The following CSMD3 variants were observed in gnomAD, a reference collection of about 807,000 sequenced individuals.
CSMD3 encodes CUB and Sushi multiple domains 3.
Under a neutral mutation model 435.2 loss-of-function variants are expected in CSMD3, and 177 were observed. That is an observed-to-expected ratio of 0.41 (90% CI 0.36 to 0.46). The LOEUF is 0.46. CSMD3 is among the 20% of genes least tolerant of loss of function. The probability of loss-of-function intolerance (pLI) is 0.34; values close to 1 mark genes in which losing one functional copy is unlikely to be tolerated. For synonymous variants in CSMD3, 1,656 were observed against 1,520.5 expected, an observed-to-expected ratio of 1.09 and a Z score of -2.07; for missense variants, 4,265 against 4,504.6, an observed-to-expected ratio of 0.95 and a Z score of 1.52.
intron 36 of CSMD3, among the ~76,000 whole-genome samples, chr8:112,389,568 C>A (rs1830241900): frequency 6.6e-6 from 1 of 152,148 alleles, no homozygotes; most frequent in Admixed American, 6.6e-5. Flanking sequence ...TTACTCCCAA[C>A]ACCTGTCAAG....
At chr8:112,675,657 A>G (rs1247305045) in intron 16 of CSMD3, among the ~76,000 whole-genome samples, 2 of 152,110 alleles carry the variant, frequency 1.3e-5, no homozygotes, top group East Asian at 3.9e-4. Flanking sequence ...GCTATTTCTA[A>G]TTTGAACTAC....
chr8:112,245,121 A>T (rs1814596080), intron 64 of CSMD3, among the ~76,000 whole-genome samples: 1 of 152,110 alleles, frequency 6.6e-6, no homozygotes, highest in South Asian at 2.1e-4. Flanking sequence ...ACATTTTAAT[A>T]ATTTTTTTAC....
intron 3 of CSMD3, among the ~76,000 whole-genome samples, chr8:113,215,250 A>C (rs982346494): frequency 2.6e-5 from 4 of 151,910 alleles, no homozygotes; most frequent in African/African-American, 7.2e-5. Flanking sequence ...TTGGTTGATC[A>C]ATTTCAAAAT....
chr8:113,111,063 T>C (rs944444423), intron 4 of CSMD3, among the ~76,000 whole-genome samples: 10 of 152,140 alleles, frequency 6.6e-5, no homozygotes, highest in Non-Finnish European at 1.5e-4. Flanking sequence ...AACCTCCTAA[T>C]ATCATCACTA....
At chr8:112,348,426 C>CTGTA (rs1157420013) in intron 40 of CSMD3, among the ~76,000 whole-genome samples, 1 of 152,176 alleles carries the variant, frequency 6.6e-6, no homozygotes, top group Admixed American at 6.5e-5. Context: ...GTTCACGAGG[C>CTGTA]TGTAGCCTTG....
At chr8:112,285,757 T>G (rs770641968) in intron 58 of CSMD3, among the ~76,000 whole-genome samples, 1 of 152,122 alleles carries the variant, frequency 6.6e-6, no homozygotes, top group East Asian at 1.9e-4. Context: ...TCTCGCTCTG[T>G]CACCTAGGCT....
intron 2 of CSMD3, among the ~76,000 whole-genome samples, chr8:113,296,510 C>T (rs974924941): frequency 7.3e-5 from 11 of 151,672 alleles, no homozygotes; most frequent in Admixed American, 1.3e-4. Context: ...GGCAACACAG[C>T]GAGACTCTGT....
intron 70 of CSMD3, among the ~76,000 whole-genome samples, chr8:112,225,618 A>C (rs957944413): frequency 2.0e-5 from 3 of 152,180 alleles, no homozygotes; most frequent in Non-Finnish European, 2.9e-5. Context: ...TGAAGAGTAC[A>C]CAATTAATGC....
At chr8:112,244,244 A>T (rs1814468672) in intron 65 of CSMD3, 150 bp downstream of exon 65, 2 of 674,890 alleles carry the variant, frequency 3.0e-6, no homozygotes, top group Admixed American at 4.3e-5. Context: ...ATGCCTCTGG[A>T]TCCAGAAGTG....
At chr8:112,817,949 T>G (rs2079422288) in intron 12 of CSMD3, among the ~76,000 whole-genome samples, 1 of 152,190 alleles carries the variant, frequency 6.6e-6, no homozygotes, top group South Asian at 2.1e-4. Flanking sequence ...ACATTTCAAT[T>G]ATTTTTAAGT....
intron 10 of CSMD3, among the ~76,000 whole-genome samples, chr8:112,876,832 A>G (rs1252715401): frequency 2.0e-5 from 3 of 152,174 alleles, no homozygotes; most frequent in African/African-American, 7.2e-5. Context: ...CTGTTTGCAG[A>G]TGACATGATT....
intron 31 of CSMD3, among the ~76,000 whole-genome samples, chr8:112,478,314 T>A (rs552037702): frequency 6.6e-6 from 1 of 152,210 alleles, no homozygotes; most frequent in Non-Finnish European, 1.5e-5. Flanking sequence ...TTCAAAGAGT[T>A]TTGAGGCCTC....
chr8:112,237,137 T>A, intron 67 of CSMD3, 53 bp downstream of exon 67: 1 of 1,553,892 alleles, frequency 6.4e-7, no homozygotes, highest in Non-Finnish European at 8.9e-7. Flanking sequence ...GATGAAATCA[T>A]AATAGAAATA....
intron 3 of CSMD3, among the ~76,000 whole-genome samples, chr8:113,186,506 A>G (rs1299133530): frequency 6.6e-6 from 1 of 152,042 alleles, no homozygotes; most frequent in Non-Finnish European, 1.5e-5. Flanking sequence ...AGAGCCGTTT[A>G]TAGGACGCTT....
chr8:112,434,537 C>T (rs908223480), intron 32 of CSMD3, among the ~76,000 whole-genome samples: 1 of 152,144 alleles, frequency 6.6e-6, no homozygotes, highest in East Asian at 1.9e-4. Context: ...ATCTAAAATG[C>T]TGTATTGTTA....
intron 3 of CSMD3, among the ~76,000 whole-genome samples, chr8:113,251,216 CATTG>C (rs1158141258): frequency 3.3e-5 from 5 of 151,924 alleles, no homozygotes; most frequent in Non-Finnish European, 5.9e-5. Flanking sequence ...GTCACTAGCT[CATTG>C]ATTATCAATG....
chr8:112,876,945 T>C (rs1310885718), intron 10 of CSMD3, among the ~76,000 whole-genome samples: 1 of 151,984 alleles, frequency 6.6e-6, no homozygotes, highest in Non-Finnish European at 1.5e-5. Flanking sequence ...AAAATCACAA[T>C]TGTTCCTATA....
At chr8:113,078,477 G>T (rs1015105742) in intron 5 of CSMD3, among the ~76,000 whole-genome samples, 1 of 152,094 alleles carries the variant, frequency 6.6e-6, no homozygotes, top group African/African-American at 2.4e-5. Flanking sequence ...TTACATTAAA[G>T]GAAATTAGAA....
At chr8:113,331,591 A>C (rs2094028056) in intron 1 of CSMD3, among the ~76,000 whole-genome samples, 1 of 151,786 alleles carries the variant, frequency 6.6e-6, no homozygotes, top group South Asian at 2.1e-4. Context: ...ATAATAACCA[A>C]ATGAGATTTA....
Sources: gnomAD v4.1 joint callset for allele counts (sites outside exome capture counted in the v4.1 genomes callset) on GRCh38, gnomAD v4.1.1 for gene constraint, MANE v1.5 for transcripts, NCBI Gene and HGNC (gene_info 2026-07-23, HGNC 2026-07-21) for gene names.